The following GALNTL6 variants were observed in gnomAD, a reference collection of about 807,000 sequenced individuals.
GALNTL6 encodes polypeptide N-acetylgalactosaminyltransferase like 6, also known as polypeptide N-acetylgalactosaminyltransferase-like 6.
Under a neutral mutation model 73.7 loss-of-function variants are expected in GALNTL6, and 46 were observed. The ratio of observed to expected loss-of-function variants is 0.62; its 90% CI spans 0.49 to 0.80. The LOEUF (loss-of-function observed/expected upper bound fraction) is 0.80, where lower values mean the gene tolerates loss of function less well. Ranked by LOEUF, GALNTL6 falls within the 30% of genes least tolerant of loss-of-function variation. GALNTL6 has a pLI of 0.00. For missense variants in GALNTL6, 604 were observed against 755.0 expected (o/e 0.80, Z 2.34); for synonymous variants, 259 against 263.7 (o/e 0.98, Z 0.17).
chr4:172,453,062 G>A lies in GALNTL6; in HGVS notation c.553+104373G>A, dbSNP rs373562343. 3.0e-3 allele frequency among the ~76,000 whole-genome samples: 461 copies of A among 152,240 alleles called. 2 individuals carry two copies. Among genetic ancestry groups the A allele is most frequent in the African/African-American group, 0.01 (425 of 41,558 alleles). On this transcript the variant is annotated intron_variant, in intron 5 of 12. Transcript: ENST00000506823. ...ACTAAAAATACAAAACTACCTGGGC[G>A]TGGTGGTACACACCTGTAGTCCCAG...
intron 2 of GALNTL6, among the ~76,000 whole-genome samples, chr4:172,004,050 G>C (rs1740755296): frequency 1.3e-5 from 2 of 152,120 alleles, no homozygotes; most frequent in African/African-American, 4.8e-5. Flanking sequence ...CCAGAGCTAA[G>C]AGGATACAAC....
intron 2 of GALNTL6, among the ~76,000 whole-genome samples, chr4:172,008,227 T>C (rs1050543122): frequency 6.6e-6 from 1 of 152,176 alleles, no homozygotes; most frequent in African/African-American, 2.4e-5. Flanking sequence ...ACCTAAACCA[T>C]TTAAAATGTA....
chr4:172,720,879 G>C (rs1004579252), intron 5 of GALNTL6, among the ~76,000 whole-genome samples: 1 of 151,920 alleles, frequency 6.6e-6, no homozygotes, highest in Non-Finnish European at 1.5e-5. Context: ...TTATCCTTTG[G>C]GAGAACCAAG....
intron 10 of GALNTL6, among the ~76,000 whole-genome samples, chr4:172,987,081 A>G (rs1751321768): frequency 6.6e-6 from 1 of 152,180 alleles, no homozygotes. Context: ...CAGTCTCCGA[A>G]TTTTATTAAA....
At chr4:172,748,880 T>TTTG (rs142265791) in intron 5 of GALNTL6, among the ~76,000 whole-genome samples, 14 of 150,110 alleles carry the variant, frequency 9.3e-5, no homozygotes, top group African/African-American at 3.2e-4. Context: ...CATATTTTCT[T>TTTG]TTGTTGTTGT....
chr4:172,143,569 G>A (rs1733853957), intron 2 of GALNTL6, among the ~76,000 whole-genome samples: 1 of 151,784 alleles, frequency 6.6e-6, no homozygotes, highest in African/African-American at 2.4e-5. Context: ...TTATTGCAAT[G>A]CTTACTCTTG....
At position 172,593,815 on chromosome 4, in the gene GALNTL6, C is replaced by T. The variant is rs533313206; in HGVS notation, c.554-215546C>T. Reference sequence around the variant, plus strand: ...TGTGATCTCAACTCACTGCAACCTCCGCCTCCCAGGTTCCAGTGATTCTCC... The same window carrying T: ...TGTGATCTCAACTCACTGCAACCTCTGCCTCCCAGGTTCCAGTGATTCTCC... On this transcript the variant is annotated intron_variant, in intron 5 of 12. Transcript: ENST00000506823. Among the ~76,000 whole-genome samples the T allele has an allele frequency of 2.6e-4, 40 of 152,066 alleles. 1 individual carries two copies. Among genetic ancestry groups the T allele is most frequent in the Non-Finnish European group, 4.1e-4 (28 of 67,962 alleles).
At chr4:172,736,335 G>T (rs1283340780) in intron 5 of GALNTL6, among the ~76,000 whole-genome samples, 1 of 152,216 alleles carries the variant, frequency 6.6e-6, no homozygotes, top group African/African-American at 2.4e-5. Context: ...GTTCCTTGCT[G>T]AGAAAAAGAA....
At chr4:172,681,150 GCAGAATCTAT>G (rs2111231522) in intron 5 of GALNTL6, among the ~76,000 whole-genome samples, 1 of 152,218 alleles carries the variant, frequency 6.6e-6, no homozygotes, top group South Asian at 2.1e-4. Flanking sequence ...AGGTAATCAA[GCAGAATCTAT>G]CAATTGTTAA....
intron 2 of GALNTL6, among the ~76,000 whole-genome samples, chr4:172,034,767 A>G (rs10780085): frequency 0.3 from 45,999 of 151,980 alleles, 7,840 homozygotes; most frequent in Middle Eastern, 0.44. Flanking sequence ...ACACAAAATG[A>G]CAGAAGTTGT....
At chr4:172,695,912 C>G (rs1733661148) in intron 5 of GALNTL6, among the ~76,000 whole-genome samples, 1 of 151,810 alleles carries the variant, frequency 6.6e-6, no homozygotes, top group Admixed American at 6.6e-5. Flanking sequence ...GAAATGGCAC[C>G]ACTGCACTCC....
At chr4:171,983,860 G>A (rs1057250631) in intron 2 of GALNTL6, among the ~76,000 whole-genome samples, 1 of 152,066 alleles carries the variant, frequency 6.6e-6, no homozygotes, top group Admixed American at 6.5e-5. Context: ...AGGAGGTGGT[G>A]GGGAAGGGCC....
chr4:172,639,905 A>T (rs1478100621), intron 5 of GALNTL6, among the ~76,000 whole-genome samples: 1 of 152,052 alleles, frequency 6.6e-6, no homozygotes, highest in East Asian at 1.9e-4. Context: ...TTGCATCATC[A>T]AAGTTTTCTC....
intron 5 of GALNTL6, among the ~76,000 whole-genome samples, chr4:172,662,051 A>G (rs940007334): frequency 6.6e-6 from 1 of 152,224 alleles, no homozygotes; most frequent in Non-Finnish European, 1.5e-5. Flanking sequence ...GGAGCTACTT[A>G]GAACACAGGA....
Position 172,755,258 on chromosome 4 carries a change from A to ATAGATAGATAGT in GALNTL6, c.554-54092_554-54091insTTAGATAGATAG, listed in dbSNP as rs1737687304. Among the ~76,000 whole-genome samples the ATAGATAGATAGT allele has an allele frequency of 2.6e-5, 4 of 151,772 alleles. No individual in the cohort carries two copies. In the South Asian group the frequency reaches 8.3e-4, roughly 32 times the overall value. On this transcript the variant is annotated intron_variant, in intron 5 of 12. Transcript: ENST00000506823. ...CAGATATAGATAGATAGATAGATAG[A>ATAGATAGATAGT]TAGATAGATAGATAATTGATAAATA...
intron 5 of GALNTL6, among the ~76,000 whole-genome samples, chr4:172,715,024 CT>C (rs1369370025): frequency 6.6e-6 from 1 of 151,690 alleles, no homozygotes; most frequent in Non-Finnish European, 1.5e-5. Context: ...TAATCAAATT[CT>C]GTATAAAAGG....
chr4:172,475,262 C>T (rs1232528854), intron 5 of GALNTL6, among the ~76,000 whole-genome samples: 1 of 152,058 alleles, frequency 6.6e-6, no homozygotes, highest in Admixed American at 6.6e-5. Context: ...TAATGTCTTT[C>T]TTCTTTGAAT....
intron 2 of GALNTL6, among the ~76,000 whole-genome samples, chr4:171,846,872 T>A (rs1209413019): frequency 7.0e-6 from 1 of 142,960 alleles, no homozygotes; most frequent in Admixed American, 7.0e-5. Flanking sequence ...ATTATATGTA[T>A]TTATATTATA....
At chr4:172,986,440 T>C (rs1231675461) in intron 10 of GALNTL6, among the ~76,000 whole-genome samples, 1 of 152,224 alleles carries the variant, frequency 6.6e-6, no homozygotes, top group Non-Finnish European at 1.5e-5. Context: ...TAGAATTGAT[T>C]TGAAACCCTG....
Sources: allele counts gnomAD v4.1 joint callset (sites outside exome capture counted in the v4.1 genomes callset), GRCh38; gene constraint gnomAD v4.1.1; transcripts MANE v1.5; gene names NCBI Gene and HGNC (gene_info 2026-07-23, HGNC 2026-07-21).